The following LRRC9 variants were observed in gnomAD, a reference collection of about 807,000 sequenced individuals.
LRRC9 encodes leucine-rich repeat-containing protein 9.
In LRRC9, 122 loss-of-function variants were observed where a neutral mutation model predicts 63.2. That is an observed-to-expected ratio of 1.93 (90% confidence interval 1.67 to 2.24). The LOEUF (loss-of-function observed/expected upper bound fraction) is 2.24, where lower values mean the gene tolerates loss of function less well. Ranked by LOEUF, LRRC9 falls within the 30% of genes most tolerant of loss-of-function variation. The pLI is 0.00. For synonymous variants in LRRC9, 366 were observed against 213.1 expected (o/e 1.72, Z -6.25); for missense variants, 1,071 against 627.7 (o/e 1.71, Z -7.55).
At chr14:59,957,514 A>G (rs1883892917) in intron 8 of LRRC9, among the ~76,000 whole-genome samples, 1 of 152,082 alleles carries the variant, frequency 6.6e-6, no homozygotes. Flanking sequence ...TGGTTATTCT[A>G]GTTAGCAGTT....
Position 60,008,089 on chromosome 14 carries a change from T to C in LRRC9, c.3064-3T>C. 1.5e-6 allele frequency: 1 copy of C among 686,450 alleles called. No homozygotes were observed. 42.5% of individuals were successfully genotyped at this position (686,450 alleles called of 1,614,324 possible). A position where few individuals can be genotyped will look rare whatever the true frequency, so the allele number is the denominator to read the frequency against. The stretch of plus-strand genomic sequence containing the variant: ...AGATGAATATATGTATTTTATTACC[T>C]AGGGTTTATGCAACTTGGTCATTCT... On this transcript the variant is annotated splice_region_variant and splice_polypyrimidine_tract_variant and intron_variant, in intron 22 of 31. Transcript: ENST00000445360.
chr14:59,961,006 G>A (rs200999753), exon 10 of LRRC9: 1 of 691,790 alleles, frequency 1.4e-6, no homozygotes, highest in Non-Finnish European at 2.6e-6. Context: ...GAGACTGTGG[G>A]AAATTTCCAT....
chr14:60,048,773 C>A (rs1893652182), intron 29 of LRRC9, among the ~76,000 whole-genome samples: 1 of 152,200 alleles, frequency 6.6e-6, no homozygotes, highest in African/African-American at 2.4e-5. Flanking sequence ...AGGGTCTCCA[C>A]CCTAACTCAT....
At chr14:60,036,240 A>G (rs1338392411) in intron 29 of LRRC9, among the ~76,000 whole-genome samples, 2 of 152,134 alleles carry the variant, frequency 1.3e-5, no homozygotes, top group African/African-American at 2.4e-5. Flanking sequence ...GGGCTTTAAT[A>G]TATGAATTTT....
intron 10 of LRRC9, among the ~76,000 whole-genome samples, chr14:59,965,752 G>A (rs1884772337): frequency 6.6e-6 from 1 of 151,490 alleles, no homozygotes; most frequent in African/African-American, 2.4e-5. Flanking sequence ...GCGTGATGGC[G>A]GGCGCCTGTA....
rs944988514 is a variant in LRRC9 at position 60,017,843 on chromosome 14, T to A, written c.3318-528T>A. Among the ~76,000 whole-genome samples the A allele has an allele frequency of 6.6e-6, 1 of 152,108 alleles. No individual in the cohort carries two copies. Among genetic ancestry groups the A allele is most frequent in the Non-Finnish European group, 1.5e-5 (1 of 67,980 alleles). On this transcript the variant is annotated intron_variant, in intron 24 of 31. Transcript: ENST00000445360. This position sits in a 1 kb window ranked among gnomAD's most constrained non-coding sequence, Gnocchi z 4.0. Reference sequence around the variant, plus strand: ...CAAGCATTCTGTTTAATTACCAAAATGTTCACACAGGGTGGAATGCCATAA... The same window carrying A: ...CAAGCATTCTGTTTAATTACCAAAAAGTTCACACAGGGTGGAATGCCATAA...
In LRRC9 at chr14:59,962,627, T is replaced by C. The variant is rs542583784; in HGVS notation, c.1211+1582T>C. Among the ~76,000 whole-genome samples, 214 of 152,308 alleles carry C rather than the reference T, an allele frequency of 1.4e-3. 1 individual carries two copies. Among genetic ancestry groups the C allele is most frequent in the Non-Finnish European group, 2.6e-3 (180 of 68,018 alleles). On this transcript the variant is annotated intron_variant, in intron 10 of 31. Coordinates refer to ENST00000445360, the Ensembl canonical transcript of LRRC9. This position sits in a 1 kb window ranked among gnomAD's most constrained non-coding sequence, Gnocchi z 5.1. ...CATGTTGGCCAGGCTGGTCTCAAAC[T>C]CCTGGCCTCAAGTGATCTTCCCACC...
Position 60,053,089 on chromosome 14 carries a change from C to T in LRRC9, c.4015C>T (p.His1339Tyr), listed in dbSNP as rs1474021170. 1.4e-6 allele frequency: 1 copy of T among 699,900 alleles called. No homozygotes were observed. Among genetic ancestry groups the T allele is most frequent in the Non-Finnish European group, 2.6e-6 (1 of 383,606 alleles). The allele number at this position is 699,900 out of a possible 1,614,324, so 43.4% of individuals were successfully genotyped here. A position where few individuals can be genotyped will look rare whatever the true frequency, so the allele number is the denominator to read the frequency against. Reference sequence around the variant, plus strand: ...GATTTGTAGAAAAATGCTACATCGCCACATGCTTATATTTCGACTGCCTAA... The same window carrying T: ...GATTTGTAGAAAAATGCTACATCGCTACATGCTTATATTTCGACTGCCTAA... Residue 1339 changes from histidine to tyrosine, a missense_variant, in exon 30 of 32, where the codon CAC (histidine) becomes TAC (tyrosine). Coordinates refer to ENST00000445360, the Ensembl canonical transcript of LRRC9. This position sits in a 1 kb window ranked among gnomAD's most constrained non-coding sequence, Gnocchi z 4.8.
intron 6 of LRRC9, among the ~76,000 whole-genome samples, chr14:59,934,235 G>T (rs564851243): frequency 1.3e-5 from 2 of 152,286 alleles, no homozygotes; most frequent in African/African-American, 4.8e-5. Flanking sequence ...TTCACAGCTA[G>T]TAGAATGTGA....
chr14:59,979,471 C>G (rs1004812140), intron 15 of LRRC9, among the ~76,000 whole-genome samples: 3 of 151,710 alleles, frequency 2.0e-5, no homozygotes, highest in Admixed American at 6.6e-5. Flanking sequence ...CATTAGCCGG[C>G]CGTGGTGGCG....
rs748523662 is a variant in LRRC9, at chr14:60,006,618, G to T, written c.3063+1G>T. 6.3e-6 allele frequency: 4 copies of T among 635,056 alleles called. No homozygotes were observed. The Admixed American group carries it at 1.0e-4, about 16-fold the overall frequency. The allele number at this position is 635,056 out of a possible 1,614,324, so 39.3% of individuals were successfully genotyped here. A position where few individuals can be genotyped will look rare whatever the true frequency, so the allele number is the denominator to read the frequency against. ...CAATCAGGAGATGCACAATTTAAAGGTAATCATCTGGGTAGTAATTTTTTT... is the reference window on the plus strand; with the variant it reads ...CAATCAGGAGATGCACAATTTAAAGTTAATCATCTGGGTAGTAATTTTTTT... On this transcript the variant is annotated splice_donor_variant, in intron 22 of 31. Coordinates refer to ENST00000445360, the Ensembl canonical transcript of LRRC9. LOFTEE classifies it high-confidence loss of function.
chr14:59,972,628 TATC>T (rs1185176458), intron 12 of LRRC9, among the ~76,000 whole-genome samples: 3 of 152,072 alleles, frequency 2.0e-5, no homozygotes, highest in African/African-American at 4.8e-5. Flanking sequence ...TCTTAATGAT[TATC>T]TTCTATTGAA....
At chr14:60,007,916 A>G (rs538100465) in intron 22 of LRRC9, among the ~76,000 whole-genome samples, 176 bp from the exon 23 acceptor site, 1 of 142,134 alleles carries the variant, frequency 7.0e-6, no homozygotes, top group African/African-American at 2.6e-5. Context: ...CTCCAGCCTG[A>G]GCAACAGCAC....
rs1888554157 is a variant in LRRC9, at chr14:59,994,729, G to A, written c.2212-2927G>A. Among the ~76,000 whole-genome samples the A allele has an allele frequency of 3.9e-5, 6 of 152,238 alleles. No homozygotes were observed. In the South Asian group the frequency reaches 1.2e-3, roughly 32 times the overall value. On this transcript the variant is annotated intron_variant, in intron 17 of 31. Coordinates refer to ENST00000445360, the Ensembl canonical transcript of LRRC9. ...CTTTGTAGGGACATGGATGAAGCTG[G>A]AAACCATCATTCTCAGCAAACTATC...
At position 59,922,662 on chromosome 14, in the gene LRRC9, T is replaced by A. The variant is rs1432701762; in HGVS notation, c.-34+2779T>A. Among the ~76,000 whole-genome samples the A allele has an allele frequency of 6.6e-6, 1 of 152,054 alleles. No individual in the cohort carries two copies. The highest frequency in any genetic ancestry group is 1.5e-5 in the Non-Finnish European group (1 of 68,002). Reference sequence around the variant, plus strand: ...CAGAAGGGAAAGAAAAATACGTCTTTGAGAGGAGGGAAATAAGAAACATAC... The same window carrying A: ...CAGAAGGGAAAGAAAAATACGTCTTAGAGAGGAGGGAAATAAGAAACATAC... On this transcript the variant is annotated intron_variant, in intron 1 of 31. Transcript: ENST00000445360. This position sits in a 1 kb window ranked among gnomAD's most constrained non-coding sequence, Gnocchi z 5.3.
chr14:60,054,593 T>C (rs927216123), intron 30 of LRRC9, among the ~76,000 whole-genome samples: 1 of 152,120 alleles, frequency 6.6e-6, no homozygotes, highest in Non-Finnish European at 1.5e-5. Context: ...AAACTGGAAA[T>C]TGTAGGCAAA....
chr14:59,960,907 C>G lies in LRRC9; in HGVS notation c.1080-7C>G, dbSNP rs1345449376. 2 of 653,856 alleles carry G rather than the reference C, an allele frequency of 3.1e-6. No homozygotes were observed. The highest frequency in any genetic ancestry group is 5.5e-6 in the Non-Finnish European group (2 of 363,722). The allele number at this position is 653,856 out of a possible 1,614,324, so 40.5% of individuals were successfully genotyped here. ...CTAATAGCTGTATGTATTTTTCTCTCCAATAGAATTGAAGCAATTTATCAT... is the reference window on the plus strand; with the variant it reads ...CTAATAGCTGTATGTATTTTTCTCTGCAATAGAATTGAAGCAATTTATCAT... On this transcript the variant is annotated splice_region_variant and splice_polypyrimidine_tract_variant and intron_variant, in intron 9 of 31. Transcript: ENST00000445360.
intron 22 of LRRC9, among the ~76,000 whole-genome samples, chr14:60,007,496 C>T (rs1188101460): frequency 6.6e-6 from 1 of 152,166 alleles, no homozygotes; most frequent in Non-Finnish European, 1.5e-5. Flanking sequence ...AATTCCACTA[C>T]CCTCTCAGAA....
intron 8 of LRRC9, among the ~76,000 whole-genome samples, chr14:59,946,441 T>C (rs1882404531): frequency 6.6e-6 from 1 of 151,474 alleles, no homozygotes; most frequent in Non-Finnish European, 1.5e-5. Flanking sequence ...AAATAATGGC[T>C]ATAGATATAT....
Sources: allele counts gnomAD v4.1 joint callset (sites outside exome capture counted in the v4.1 genomes callset), GRCh38; gene constraint gnomAD v4.1.1; non-coding constraint Gnocchi (gnomAD v3.1); transcripts MANE v1.5; gene names NCBI Gene and HGNC (gene_info 2026-07-23, HGNC 2026-07-21).